NMNAT3: variants seen among roughly 807,000 people sequenced by gnomAD.
NMNAT3 encodes nicotinamide/nicotinic acid mononucleotide adenylyltransferase 3.
NMNAT3 carries 21 observed loss-of-function variants against 24.8 expected under a neutral mutation model. The observed-to-expected ratio is 0.85, with a 90% confidence interval of 0.60 to 1.22. The LOEUF (loss-of-function observed/expected upper bound fraction) is 1.22. Ranked by LOEUF, NMNAT3 falls within the 50% of genes most tolerant of loss-of-function variation. NMNAT3 has a pLI of 0.00. For missense variants in NMNAT3, 387 were observed against 436.6 expected (o/e 0.89, Z 1.01); for synonymous variants, 136 against 155.2 (o/e 0.88, Z 0.92).
intron 1 of NMNAT3, among the ~76,000 whole-genome samples, chr3:139,641,355 TA>T (rs2056695664): frequency 6.6e-6 from 1 of 152,242 alleles, no homozygotes; most frequent in Non-Finnish European, 1.5e-5. Context: ...TGCTACGTCT[TA>T]GCTGATGGCT....
intron 1 of NMNAT3, among the ~76,000 whole-genome samples, chr3:139,669,095 A>G (rs1290242921): frequency 6.6e-6 from 1 of 152,204 alleles, no homozygotes; most frequent in East Asian, 1.9e-4. Flanking sequence ...TAATAAAGAC[A>G]TAGAGAGTGT....
At chr3:139,645,095 A>G (rs2056828750) in intron 1 of NMNAT3, among the ~76,000 whole-genome samples, 1 of 152,098 alleles carries the variant, frequency 6.6e-6, no homozygotes, top group Non-Finnish European at 1.5e-5. Context: ...CCAGCTACTC[A>G]GGAGGCTGAG....
At chr3:139,662,172 C>T (rs1414470328) in intron 1 of NMNAT3, among the ~76,000 whole-genome samples, 1 of 152,132 alleles carries the variant, frequency 6.6e-6, no homozygotes, top group Non-Finnish European at 1.5e-5. Context: ...CCAGACACAA[C>T]TCTCCCAGGC....
chr3:139,638,361 A>C (rs1219593210), intron 1 of NMNAT3, among the ~76,000 whole-genome samples: 1 of 151,994 alleles, frequency 6.6e-6, no homozygotes, highest in Non-Finnish European at 1.5e-5. Flanking sequence ...CCCATACCCA[A>C]CCTGGGGTCC....
In NMNAT3 at chr3:139,626,419, C is replaced by T. The variant is rs145313233; in HGVS notation, c.109+1197G>A. 2.3e-4 allele frequency among the ~76,000 whole-genome samples: 35 copies of T among 152,030 alleles called. No homozygotes were observed. In the East Asian group the frequency reaches 4.2e-3, roughly 18 times the overall value. On this transcript the variant is annotated intron_variant, in intron 3 of 6. Transcript: ENST00000643695. ...TCTTTATAGTGTATTTTTCATCTAA[C>T]AGGTTGTAGTATTTAATTCTAGATG...
At chr3:139,676,984 T>C (rs560807522) in intron 1 of NMNAT3, among the ~76,000 whole-genome samples, 3 of 152,338 alleles carry the variant, frequency 2.0e-5, no homozygotes, top group African/African-American at 7.2e-5. Flanking sequence ...AATCCCATTT[T>C]ACAGAGGAGA....
At chr3:139,605,322 T>C (rs1029988659) in intron 3 of NMNAT3, among the ~76,000 whole-genome samples, 1 of 152,204 alleles carries the variant, frequency 6.6e-6, no homozygotes, top group Non-Finnish European at 1.5e-5. Context: ...AACATATGTA[T>C]ATTCTACATA....
rs920503218 is a variant in NMNAT3 at position 139,583,189 on chromosome 3, A to G, written c.129T>C (p.His43=). The change falls in exon 4 of 7, where the codon CAT becomes CAC. Residue 43 remains histidine, a synonymous_variant. Coordinates refer to ENST00000643695, the MANE Select transcript of NMNAT3 (RefSeq NM_001320510.2). ...GTCCAGGAAAAACAAGTGCAACTTC[A>G]TGGTCCTTTTCTTCATATTCTGGAA... is the stretch of plus-strand genomic sequence containing the variant. 51 of 1,227,254 alleles carry G rather than the reference A, an allele frequency of 4.2e-5. No homozygotes were observed. The highest frequency in any genetic ancestry group is 5.3e-5 in the Admixed American group (3 of 56,080). 76.0% of individuals were successfully genotyped at this position (1,227,254 alleles called of 1,614,324 possible).
intron 1 of NMNAT3, among the ~76,000 whole-genome samples, chr3:139,648,693 C>A (rs1371867039): frequency 2.0e-5 from 3 of 152,202 alleles, no homozygotes; most frequent in African/African-American, 7.2e-5. Flanking sequence ...TGTCATCAGA[C>A]TGTCCTCTGA....
intron 3 of NMNAT3, among the ~76,000 whole-genome samples, chr3:139,593,376 C>T (rs1209783945): frequency 2.6e-5 from 4 of 151,986 alleles, no homozygotes; most frequent in African/African-American, 4.8e-5. Context: ...ACTTTAACAC[C>T]CCACTGTCAA....
intron 3 of NMNAT3, among the ~76,000 whole-genome samples, chr3:139,586,743 A>G (rs180865505): frequency 4.6e-5 from 7 of 152,320 alleles, no homozygotes; most frequent in African/African-American, 1.7e-4. Flanking sequence ...ATAATCAAGA[A>G]CCAGAAAACC....
intron 5 of NMNAT3, among the ~76,000 whole-genome samples, chr3:139,575,049 C>G (rs564915100): frequency 2.6e-5 from 4 of 152,048 alleles, no homozygotes; most frequent in Non-Finnish European, 4.4e-5. Context: ...AGAAAGAGCC[C>G]AATAAGTGTT....
chr3:139,564,620 A>C (rs1497266), intron 6 of NMNAT3, among the ~76,000 whole-genome samples: 66,681 of 152,148 alleles, frequency 0.44, 15,248 homozygotes, highest in East Asian at 0.61. Flanking sequence ...CAAATCATAG[A>C]AGTGATGGGC....
intron 1 of NMNAT3, among the ~76,000 whole-genome samples, chr3:139,660,226 C>T (rs1174428097): frequency 6.6e-6 from 1 of 152,168 alleles, no homozygotes; most frequent in Non-Finnish European, 1.5e-5. Context: ...AAAGGGATGA[C>T]ATCCTATGGT....
At chr3:139,587,426 G>C (rs748252555) in intron 3 of NMNAT3, among the ~76,000 whole-genome samples, 2 of 152,146 alleles carry the variant, frequency 1.3e-5, no homozygotes, top group African/African-American at 2.4e-5. Context: ...ATAGTGGAGC[G>C]AGAGTGGATA....
intron 3 of NMNAT3, among the ~76,000 whole-genome samples, chr3:139,595,729 A>C (rs868808733): frequency 7.7e-6 from 1 of 129,794 alleles, no homozygotes; most frequent in Middle Eastern, 3.5e-3. Flanking sequence ...CCTATTTAAT[A>C]AATGGTGCTG....
chr3:139,632,822 A>G (rs573107799), intron 2 of NMNAT3, among the ~76,000 whole-genome samples: 1 of 152,206 alleles, frequency 6.6e-6, no homozygotes, highest in Non-Finnish European at 1.5e-5. Flanking sequence ...ACCGTGTCCT[A>G]ATCCTTGGAA....
In NMNAT3 at chr3:139,579,024, A is replaced by C. The variant is rs1450993415; in HGVS notation, c.423T>G (p.Ser141=). Reference sequence around the variant, plus strand: ...TCTTCCCATAGGTGTCGTTGACAGGAGAGATGATACCCTGGATGACCTGGT... The same window carrying C: ...TCTTCCCATAGGTGTCGTTGACAGGCGAGATGATACCCTGGATGACCTGGT... The change falls in exon 5 of 7, where the codon TCT becomes TCG. Residue 141 remains serine (S), a synonymous_variant. Coordinates refer to ENST00000643695, the MANE Select transcript of NMNAT3 (RefSeq NM_001320510.2). The C allele has an allele frequency of 6.2e-7, 1 of 1,613,942 alleles. No homozygotes were observed. Among genetic ancestry groups the C allele is most frequent in the Non-Finnish European group, 8.5e-7 (1 of 1,179,990 alleles).
At position 139,561,296 on chromosome 3, in the gene NMNAT3, T is replaced by G; in HGVS notation, c.755A>C (p.Glu252Ala). The change falls in exon 7 of 7, where the codon GAG becomes GCG. Residue 252 changes from glutamate to alanine, a missense_variant. Glu to Ala is a moderately radical substitution (Grantham distance 107, BLOSUM62 -1). Transcript: ENST00000643695. ...GCCCACGCACACCAAGCCAAACTTC[T>G]CCACTATTTCCTGGATGTGCGCATC... 6.2e-7 allele frequency: 1 copy of G among 1,614,010 alleles called. No individual in the cohort carries two copies. The highest frequency in any genetic ancestry group is 8.5e-7 in the Non-Finnish European group (1 of 1,179,978).
Sources: gnomAD v4.1 joint callset for allele counts (sites outside exome capture counted in the v4.1 genomes callset) on GRCh38, gnomAD v4.1.1 for gene constraint, MANE v1.5 for transcripts, NCBI Gene and HGNC (gene_info 2026-07-23, HGNC 2026-07-21) for gene names.